Variants in WDSUB1 observed in about 807,000 individuals in gnomAD.
WDSUB1 encodes the protein WD repeat, SAM and U-box domain-containing protein 1.
In WDSUB1, 49 loss-of-function variants were observed where a neutral mutation model predicts 53.9. The ratio of observed to expected loss-of-function variants is 0.91; its 90% CI spans 0.72 to 1.15. The LOEUF (loss-of-function observed/expected upper bound fraction) is 1.15, where lower values mean the gene tolerates loss of function less well. Among genes scored for constraint, WDSUB1 ranks in the 50% most tolerant of loss-of-function variants. The pLI is 0.00. For synonymous variants in WDSUB1, 194 were observed against 200.6 expected (o/e 0.97, Z 0.28); for missense variants, 514 against 562.0 (o/e 0.91, Z 0.86).
In WDSUB1 at chr2:159,286,622, C is replaced by T; in HGVS notation, c.-64G>A. On this transcript the variant is annotated 5_prime_UTR_variant, in exon 1 of 11. Transcript: ENST00000359774. ...GCGCGCGGGATCCGCCTTCAAGGTG[C>T]CCACGGGCGGTGCGGGTCACGTGCC... 6.6e-6 allele frequency: 1 copy of T among 152,450 alleles called. No homozygotes were observed. Among genetic ancestry groups the T allele is most frequent in the Non-Finnish European group, 1.5e-5 (1 of 68,198 alleles). 9.4% of individuals were successfully genotyped at this position (152,450 alleles called of 1,614,324 possible).
At chr2:159,236,560 G>C in intron 10 of WDSUB1, among the ~76,000 whole-genome samples, 1 of 152,168 alleles carries the variant, frequency 6.6e-6, no homozygotes, top group East Asian at 1.9e-4. Flanking sequence ...GAATCATAAG[G>C]CTCTTTTCAA....
intron 9 of WDSUB1, among the ~76,000 whole-genome samples, chr2:159,250,088 C>CA (rs374038625): frequency 0.06 from 5,012 of 83,382 alleles, 341 homozygotes; most frequent in African/African-American, 0.14. Context: ...GACTCTGCCT[C>CA]AAAAAAAAAA....
In WDSUB1 at chr2:159,282,772, C is replaced by G. The variant is rs749614187; in HGVS notation, c.298G>C (p.Val100Leu). ...AVMEQPSGSP[V>L]RVCQFSPDST... ...TCTGGGGAAAACTGGCAAACCCTCA[C>G]AGGGCTGCCACTAGGCTGTTCCATC... The change falls in exon 2 of 11, where the codon GTG becomes CTG. Residue 100 changes from valine to leucine, a missense_variant. Transcript: ENST00000359774. 1 of 1,614,188 alleles carries G rather than the reference C, an allele frequency of 6.2e-7. No homozygotes were observed. The highest frequency in any genetic ancestry group is 8.5e-7 in the Non-Finnish European group (1 of 1,180,040).
chr2:159,270,687 G>C (rs1289609826), intron 5 of WDSUB1, among the ~76,000 whole-genome samples: 1 of 152,130 alleles, frequency 6.6e-6, no homozygotes, highest in East Asian at 1.9e-4. Flanking sequence ...AGTGTGAAAG[G>C]CAAAACAATG....
chr2:159,282,067 T>TAA (rs70994284), intron 2 of WDSUB1, among the ~76,000 whole-genome samples: 4,349 of 149,946 alleles, frequency 0.029, 193 homozygotes, highest in African/African-American at 0.095. Flanking sequence ...CTCTTACAAT[T>TAA]AAAAAAAAAA....
At chr2:159,266,418 G>A (rs12618140) in intron 5 of WDSUB1, among the ~76,000 whole-genome samples, 69,945 of 152,024 alleles carry the variant, frequency 0.46, 17,303 homozygotes, top group Non-Finnish European at 0.56. Context: ...TTGATCTCCT[G>A]ACCTCATGAT....
intron 9 of WDSUB1, among the ~76,000 whole-genome samples, chr2:159,253,956 C>T (rs1287544247): frequency 1.3e-5 from 2 of 152,132 alleles, no homozygotes; most frequent in African/African-American, 2.4e-5. Flanking sequence ...ATGTTACAGT[C>T]AATTTTTACT....
chr2:159,246,100 T>G (rs970201272), intron 10 of WDSUB1, among the ~76,000 whole-genome samples: 4 of 152,144 alleles, frequency 2.6e-5, no homozygotes, highest in African/African-American at 9.7e-5. Flanking sequence ...CAGAAAAAGA[T>G]GCTCAACATC....
intron 8 of WDSUB1, 86 bp downstream of exon 8, chr2:159,257,672 G>A (rs939392659): frequency 8.5e-7 from 1 of 1,181,630 alleles, no homozygotes. Context: ...ACAGGTGTGA[G>A]CCGCGGTGCC....
chr2:159,237,057 T>C (rs2060502289), intron 10 of WDSUB1, among the ~76,000 whole-genome samples: 1 of 152,228 alleles, frequency 6.6e-6, no homozygotes, highest in Non-Finnish European at 1.5e-5. Context: ...CCTGATTTCA[T>C]TTACTCATTT....
intron 5 of WDSUB1, among the ~76,000 whole-genome samples, chr2:159,268,185 C>T (rs1456083721): frequency 6.6e-6 from 1 of 152,182 alleles, no homozygotes; most frequent in African/African-American, 2.4e-5. Flanking sequence ...ATTAGTTCAT[C>T]ACTATGAACA....
chr2:159,242,672 T>G lies in WDSUB1; in HGVS notation c.1273+5700A>C, dbSNP rs988689821. On this transcript the variant is annotated intron_variant, in intron 10 of 10. Transcript: ENST00000359774. ...CTCCCTCTCAAAAATAAATAAAGTATGCATCATAACTCATTTGTTATAAGA... is the reference window on the plus strand; with the variant it reads ...CTCCCTCTCAAAAATAAATAAAGTAGGCATCATAACTCATTTGTTATAAGA... 1.7e-4 allele frequency among the ~76,000 whole-genome samples: 25 copies of G among 147,670 alleles called. 6 individuals are homozygous for G. Among genetic ancestry groups the G allele is most frequent in the African/African-American group, 6.1e-4 (23 of 37,940 alleles).
intron 8 of WDSUB1, among the ~76,000 whole-genome samples, chr2:159,257,103 T>G (rs867330439): frequency 2.6e-5 from 4 of 152,064 alleles, no homozygotes; most frequent in Middle Eastern, 6.9e-3. Flanking sequence ...TGGGCTCAGG[T>G]GATCCTTCCC....
chr2:159,238,950 G>C (rs2060565338), intron 10 of WDSUB1, among the ~76,000 whole-genome samples: 1 of 152,078 alleles, frequency 6.6e-6, no homozygotes, highest in African/African-American at 2.4e-5. Flanking sequence ...GGATGTTTTT[G>C]TTTTTATGTA....
intron 5 of WDSUB1, among the ~76,000 whole-genome samples, chr2:159,266,124 A>G (rs2061341941): frequency 1.3e-5 from 2 of 152,234 alleles, no homozygotes; most frequent in South Asian, 4.1e-4. Flanking sequence ...AGTATTATAA[A>G]TAGTGATAGA....
At chr2:159,284,358 C>T (rs1019687238) in intron 1 of WDSUB1, among the ~76,000 whole-genome samples, 1 of 152,126 alleles carries the variant, frequency 6.6e-6, no homozygotes, top group Non-Finnish European at 1.5e-5. Context: ...CTCAAAAATA[C>T]CTCACTCCAG....
intron 4 of WDSUB1, among the ~76,000 whole-genome samples, chr2:159,273,887 A>G (rs2061490124): frequency 1.3e-5 from 2 of 152,226 alleles, no homozygotes; most frequent in African/African-American, 4.8e-5. Flanking sequence ...ACTATAAACT[A>G]GGATAATTAT....
intron 9 of WDSUB1, among the ~76,000 whole-genome samples, chr2:159,250,088 CAAAAAAAA>C (rs374038625): frequency 1.6e-4 from 13 of 83,538 alleles, no homozygotes; most frequent in African/African-American, 4.6e-4. Context: ...GACTCTGCCT[CAAAAAAAA>C]AAAAAAAAAA....
chr2:159,261,693 G>A (rs2061191406), intron 5 of WDSUB1, among the ~76,000 whole-genome samples: 1 of 151,170 alleles, frequency 6.6e-6, no homozygotes, highest in Non-Finnish European at 1.5e-5. Context: ...ACATCAATTT[G>A]AAAAAGTATC....
Sources: gnomAD v4.1 joint callset for allele counts (sites outside exome capture counted in the v4.1 genomes callset) on GRCh38, gnomAD v4.1.1 for gene constraint, MANE v1.5 for transcripts, NCBI Gene and HGNC (gene_info 2026-07-23, HGNC 2026-07-21) for gene names.